Variants in MMP26 observed in about 807,000 individuals in gnomAD.
MMP26 encodes the protein matrix metallopeptidase 26.
In MMP26, 33 loss-of-function variants were observed where a neutral mutation model predicts 31.0. The observed-to-expected ratio is 1.06, with a 90% CI of 0.81 to 1.42. MMP26 has a LOEUF of 1.42. Among genes scored for constraint, MMP26 ranks in the 40% most tolerant of loss-of-function variants. The pLI is 0.00. For missense variants in MMP26, 347 were observed against 316.1 expected (o/e 1.10, Z -0.74); for synonymous variants, 122 against 114.9 (o/e 1.06, Z -0.40).
intron 2 of MMP26, among the ~76,000 whole-genome samples, chr11:4,856,581 A>G (rs1242195483): frequency 1.3e-5 from 2 of 152,198 alleles, no homozygotes; most frequent in African/African-American, 4.8e-5. Context: ...GCAAGTCCTG[A>G]GTGACCTACA....
rs144812956 is a variant in MMP26, at chr11:4,990,698, C to A, written c.421C>A (p.Gln141Lys). 157 of 1,613,970 alleles carry A rather than the reference C, an allele frequency of 9.7e-5. No homozygotes were observed. The highest frequency in any genetic ancestry group is 1.3e-4 in the Non-Finnish European group (148 of 1,179,986). The change falls in exon 5 of 8, where the codon CAA becomes AAA. Residue 141 changes from glutamine (Q) to lysine (K), a missense_variant. Coordinates refer to ENST00000380390, the MANE Select transcript of MMP26 (RefSeq NM_021801.5). ...WSNVTPLIFQ[Q>K]VQNGDADIKV... ...CAATGTGACCCCTTTGATATTCCAG[C>A]AAGTGCAGAATGGAGATGCAGACAT...
intron 2 of MMP26, chr11:4,946,302 G>C (rs2595988): frequency 0.13 from 198,909 of 1,536,300 alleles, 18,399 homozygotes; most frequent in South Asian, 0.16. Context: ...GAGACATGCC[G>C]GGCAAAGCGG....
chr11:4,866,603 CA>C (rs1212095451), intron 2 of MMP26, among the ~76,000 whole-genome samples: 2 of 151,920 alleles, frequency 1.3e-5, no homozygotes, highest in Middle Eastern at 3.2e-3. Context: ...CATATGGAAC[CA>C]AAAAAGAGCC....
intron 2 of MMP26, among the ~76,000 whole-genome samples, chr11:4,901,435 C>A (rs1264293537): frequency 6.6e-6 from 1 of 152,228 alleles, no homozygotes; most frequent in African/African-American, 2.4e-5. Flanking sequence ...GCTGGGATTA[C>A]AGGTGTGAGC....
Position 4,840,667 on chromosome 11 carries a change from G to T in MMP26, c.-145+73326G>T, listed in dbSNP as rs1052937818. 7.9e-5 allele frequency among the ~76,000 whole-genome samples: 12 copies of T among 152,298 alleles called. No individual in the cohort carries two copies. The South Asian group carries it at 2.3e-3, about 29-fold the overall frequency. On this transcript the variant is annotated intron_variant, in intron 2 of 7. Transcript: ENST00000380390. ...ATACAACTTAGATCACAACACCCAA[G>T]TCCCTTGAAATATCTATAAAGCCAT...
rs1277454928 is a variant in MMP26 at position 4,961,899 on chromosome 11, CT to C, written c.-144-26168del. Among the ~76,000 whole-genome samples, 3 of 152,118 alleles carry C rather than the reference CT, an allele frequency of 2.0e-5. No individual in the cohort carries two copies. The East Asian group carries it at 5.8e-4, about 29-fold the overall frequency. The stretch of plus-strand genomic sequence containing the variant: ...CAATGAAAAACAGTTTCAAGGATAC[CT>C]GTCTATAAATAATACTATAAATCAT... On this transcript the variant is annotated intron_variant, in intron 2 of 7. Transcript: ENST00000380390.
At chr11:4,810,974 T>C (rs1849341924) in intron 2 of MMP26, among the ~76,000 whole-genome samples, 1 of 152,148 alleles carries the variant, frequency 6.6e-6, no homozygotes, top group South Asian at 2.1e-4. Context: ...ATGGATACAA[T>C]TACCAAGGTT....
At chr11:4,917,634 C>G (rs1054468781) in intron 2 of MMP26, among the ~76,000 whole-genome samples, 3 of 152,072 alleles carry the variant, frequency 2.0e-5, no homozygotes, top group Non-Finnish European at 2.9e-5. Flanking sequence ...CTGCTGTGGC[C>G]GTGATCAGTG....
At chr11:4,811,858 A>G (rs1030190365) in intron 2 of MMP26, among the ~76,000 whole-genome samples, 1 of 152,138 alleles carries the variant, frequency 6.6e-6, no homozygotes, top group Non-Finnish European at 1.5e-5. Context: ...TTTCAAGGTG[A>G]AAGGAGTATA....
At chr11:4,960,807 A>G (rs1846510930) in intron 2 of MMP26, among the ~76,000 whole-genome samples, 1 of 152,204 alleles carries the variant, frequency 6.6e-6, no homozygotes, top group African/African-American at 2.4e-5. Flanking sequence ...AGAACATTTC[A>G]TAAGCCACTT....
intron 2 of MMP26, among the ~76,000 whole-genome samples, chr11:4,814,765 C>A (rs1326722223): frequency 6.6e-6 from 1 of 152,020 alleles, no homozygotes; most frequent in Non-Finnish European, 1.5e-5. Context: ...AATAAACCAA[C>A]CCTTAATAAT....
intron 6 of MMP26, 147 bp downstream of exon 6, chr11:4,991,643 T>G: frequency 2.9e-6 from 3 of 1,017,754 alleles, no homozygotes; most frequent in Non-Finnish European, 4.3e-6. Flanking sequence ...TGAGGAGATG[T>G]GGGATCATTT....
chr11:4,709,404 A>T (rs530289957), intron 1 of MMP26, among the ~76,000 whole-genome samples: 7 of 152,224 alleles, frequency 4.6e-5, no homozygotes, highest in Non-Finnish European at 1.0e-4. Context: ...TCAAGAACAC[A>T]TATAAGAAAA....
intron 1 of MMP26, among the ~76,000 whole-genome samples, chr11:4,726,095 T>A (rs1018305984): frequency 1.3e-5 from 2 of 152,186 alleles, no homozygotes; most frequent in African/African-American, 4.8e-5. Flanking sequence ...GAGACTTTGA[T>A]GAACTCACAA....
chr11:4,972,187 G>T (rs1846675079), intron 2 of MMP26, among the ~76,000 whole-genome samples: 1 of 152,178 alleles, frequency 6.6e-6, no homozygotes, highest in South Asian at 2.1e-4. Context: ...AGGGGAAGGG[G>T]CTTTGGTTAA....
intron 2 of MMP26, among the ~76,000 whole-genome samples, chr11:4,921,402 A>C (rs1365517281): frequency 6.6e-6 from 1 of 152,220 alleles, no homozygotes; most frequent in Non-Finnish European, 1.5e-5. Context: ...AAACAAAACA[A>C]AATAAAATAA....
At chr11:4,711,834 C>T (rs1847866410) in intron 1 of MMP26, 1 of 152,154 alleles carries the variant, frequency 6.6e-6, no homozygotes, top group South Asian at 2.1e-4. Context: ...GGGGTCTATC[C>T]ACTTTGATGA....
At chr11:4,732,139 G>A (rs544784084) in intron 1 of MMP26, among the ~76,000 whole-genome samples, 1 of 152,278 alleles carries the variant, frequency 6.6e-6, no homozygotes, top group African/African-American at 2.4e-5. Flanking sequence ...ACACCTCAGA[G>A]ACTGAACCAT....
At chr11:4,984,725 T>C (rs1564819263) in intron 2 of MMP26, among the ~76,000 whole-genome samples, 1 of 152,194 alleles carries the variant, frequency 6.6e-6, no homozygotes, top group African/African-American at 2.4e-5. Context: ...CAAATATAAA[T>C]TGTGTATAGT....
Sources: allele counts gnomAD v4.1 joint callset (sites outside exome capture counted in the v4.1 genomes callset), GRCh38; gene constraint gnomAD v4.1.1; transcripts MANE v1.5; gene names NCBI Gene and HGNC (gene_info 2026-07-23, HGNC 2026-07-21).